COL4A4: variants seen among roughly 807,000 people sequenced by gnomAD.
COL4A4 encodes the protein collagen alpha-4(IV) chain.
Under a neutral mutation model 192.9 loss-of-function variants are expected in COL4A4, and 105 were observed. That is an observed-to-expected ratio of 0.54 (90% CI 0.46 to 0.64). COL4A4 has a LOEUF of 0.64. Among genes scored for constraint, COL4A4 ranks in the 30% least tolerant of loss-of-function variants. COL4A4 has a pLI of 0.00. For missense variants in COL4A4, 1,967 were observed against 2,169.3 expected, an observed-to-expected ratio of 0.91 and a Z score of 1.85; for synonymous variants, 762 against 769.9, an observed-to-expected ratio of 0.99 and a Z score of 0.17.
rs1359634670 is a variant in COL4A4 at position 227,056,126 on chromosome 2, C to T, written c.2546-11G>A. The T allele has an allele frequency of 2.4e-5, 38 of 1,613,324 alleles. No individual in the cohort carries two copies. The highest frequency in any genetic ancestry group is 3.1e-5 in the Non-Finnish European group (36 of 1,179,674). On this transcript the variant is annotated splice_polypyrimidine_tract_variant and intron_variant, in intron 29 of 47. Transcript: ENST00000396625. ...TCCCACCTGGAGCACCTAAGACAAA[C>T]CACAGTGACCACAGTGTGTGAAGGC...
At chr2:227,065,348 C>G (rs963909551) in intron 25 of COL4A4, among the ~76,000 whole-genome samples, 1 of 152,204 alleles carries the variant, frequency 6.6e-6, no homozygotes, top group Non-Finnish European at 1.5e-5. Flanking sequence ...ACAAAGCAGC[C>G]CAGAAGCTCA....
rs1973129665 is a variant in COL4A4, at chr2:227,047,493, C to G, written c.3271G>C (p.Gly1091Arg). Residue 1091 changes from glycine to arginine, a missense_variant, in exon 35 of 48, where the codon GGT (glycine) becomes CGT (arginine). Physicochemically the swap from Gly to Arg is moderately radical, Grantham distance 125 (BLOSUM62 -2). Transcript: ENST00000396625. ...GCTATACCTGGACATCCAGGGCTAC[C>G]TGGCTCACCCTTTGGACCAGGTGGA... ...FGPPGPKGEP[G>R]SPGCPGHFGA... The G allele has an allele frequency of 6.2e-7, 1 of 1,613,762 alleles. No individual in the cohort carries two copies. The highest frequency in any genetic ancestry group is 8.5e-7 in the Non-Finnish European group (1 of 1,179,814).
At chr2:227,028,153 T>C (rs1203237112) in intron 41 of COL4A4, 144 bp from the exon 42 acceptor site, 5 of 676,200 alleles carry the variant, frequency 7.4e-6, no homozygotes, top group African/African-American at 3.6e-5. Context: ...AGCCTCGCCT[T>C]CTTCTGTGAG....
chr2:227,082,847 C>G (rs1485316681), intron 22 of COL4A4, among the ~76,000 whole-genome samples: 3 of 152,210 alleles, frequency 2.0e-5, no homozygotes, highest in Admixed American at 6.5e-5. Flanking sequence ...TGCTCATGCT[C>G]TCTTAACCAC....
chr2:227,021,891 G>A (rs1346604623), intron 44 of COL4A4, among the ~76,000 whole-genome samples, 157 bp downstream of exon 44: 2 of 151,700 alleles, frequency 1.3e-5, no homozygotes, highest in African/African-American at 4.9e-5. Context: ...CATGATTGAT[G>A]TACTTTGGAT....
the COL4A4 span, among the ~76,000 whole-genome samples, chr2:226,993,083 T>A: frequency 6.6e-6 from 1 of 152,198 alleles, no homozygotes; most frequent in African/African-American, 2.4e-5. Flanking sequence ...TGCAAATGGG[T>A]CCAAGGCCGT....
upstream of COL4A4, chr2:227,164,368 T>C: frequency 2.7e-6 from 1 of 367,684 alleles, no homozygotes; most frequent in Non-Finnish European, 5.0e-6. This position sits in a 1 kb window ranked among gnomAD's most constrained non-coding sequence, Gnocchi z 4.8. Context: ...CCCCGGACCT[T>C]GGGAGCATCA....
intron 35 of COL4A4, 121 bp downstream of exon 35, chr2:227,047,354 T>C (rs887258936): frequency 1.7e-5 from 13 of 753,934 alleles, no homozygotes; most frequent in Non-Finnish European, 2.6e-5. Flanking sequence ...GTTTTATCTA[T>C]ACCTTAATGC....
In COL4A4 at chr2:227,006,366, G is replaced by C. The variant is rs945325854; in HGVS notation, c.*959C>G. 6.6e-6 allele frequency: 1 copy of C among 152,632 alleles called. No individual in the cohort carries two copies. The allele number at this position is 152,632 out of a possible 1,614,324, so 9.5% of individuals were successfully genotyped here. ...GAGTGAGATGCTTTGTATGAAGCGC[G>C]TGCCTGCCTGAGTGAGCCCCATGTA... On this transcript the variant is annotated 3_prime_UTR_variant, in exon 48 of 48. Transcript: ENST00000396625.
chr2:227,150,465 T>C (rs1371937268), intron 1 of COL4A4, among the ~76,000 whole-genome samples: 1 of 152,154 alleles, frequency 6.6e-6, no homozygotes, highest in Admixed American at 6.6e-5. Context: ...CCTTTGGACT[T>C]CTCTGCTCTT....
intron 24 of COL4A4, among the ~76,000 whole-genome samples, chr2:227,078,474 C>T (rs182393891): frequency 3.1e-4 from 47 of 152,224 alleles, no homozygotes; most frequent in Non-Finnish European, 5.1e-4. Context: ...AACCCCTGAC[C>T]TCCACCTGCC....
intron 1 of COL4A4, among the ~76,000 whole-genome samples, chr2:227,152,272 T>A (rs1453458766): frequency 1.3e-5 from 2 of 152,220 alleles, no homozygotes; most frequent in African/African-American, 2.4e-5. Context: ...AAAGAGGAAG[T>A]GAAAACTTGG....
At chr2:226,997,256 A>C in the COL4A4 span, 1 of 152,232 alleles carries the variant, frequency 6.6e-6, no homozygotes, top group African/African-American at 2.4e-5. Flanking sequence ...AAATGTGTTT[A>C]AATTAAAATA....
rs201175819 is a variant in COL4A4, at chr2:227,104,062, A to C, written c.736-10T>G. ...GCTGACCAACCTCACCCTTAAAAAA[A>C]AAAGCAAGATAATGAAAATTTCATA... is the stretch of plus-strand genomic sequence containing the variant. On this transcript the variant is annotated splice_polypyrimidine_tract_variant and intron_variant, in intron 12 of 47. Transcript: ENST00000396625. The C allele has an allele frequency of 1.0e-4, 162 of 1,610,948 alleles. No homozygotes were observed. In the African/African-American group the frequency reaches 2.0e-3, roughly 20 times the overall value.
chr2:227,150,586 G>A (rs1198457197), intron 1 of COL4A4, among the ~76,000 whole-genome samples: 1 of 152,146 alleles, frequency 6.6e-6, no homozygotes, highest in Non-Finnish European at 1.5e-5. Flanking sequence ...CTGAGACTGG[G>A]TAATTTATAA....
downstream of COL4A4, among the ~76,000 whole-genome samples, chr2:227,001,570 C>T (rs372825518): frequency 4.2e-4 from 64 of 152,184 alleles, no homozygotes; most frequent in South Asian, 0.013. Flanking sequence ...AACCAATTCA[C>T]GAATGGGGAA....
intron 4 of COL4A4, among the ~76,000 whole-genome samples, chr2:227,121,755 AGTAT>A (rs2061809455): frequency 6.6e-6 from 1 of 152,146 alleles, no homozygotes; most frequent in Non-Finnish European, 1.5e-5. Flanking sequence ...GTATGTGTGC[AGTAT>A]GTATGTATGT....
intron 44 of COL4A4, among the ~76,000 whole-genome samples, chr2:227,021,763 T>C (rs973923690): frequency 2.6e-5 from 4 of 152,054 alleles, no homozygotes; most frequent in Admixed American, 2.6e-4. Flanking sequence ...AGGCGGAGCT[T>C]GCAGTGAGCC....
At chr2:227,022,369 C>G in intron 43 of COL4A4, 196 bp from the exon 44 acceptor site, 1 of 819,118 alleles carries the variant, frequency 1.2e-6, no homozygotes, top group Non-Finnish European at 2.2e-6. Flanking sequence ...TGTCTTATGC[C>G]CTGGAGGGTA....
Sources: allele counts gnomAD v4.1 joint callset (sites outside exome capture counted in the v4.1 genomes callset), GRCh38; gene constraint gnomAD v4.1.1; non-coding constraint Gnocchi (gnomAD v3.1); transcripts MANE v1.5; gene names NCBI Gene and HGNC (gene_info 2026-07-23, HGNC 2026-07-21).